Variants in WNT7A observed in about 807,000 individuals in gnomAD.
The protein encoded by WNT7A is Wnt family member 7A.
Under a neutral mutation model 28.2 loss-of-function variants are expected in WNT7A, and 16 were observed. The observed-to-expected ratio is 0.57, with a 90% CI of 0.38 to 0.86. The LOEUF is 0.86. Ranked by LOEUF, WNT7A falls within the 40% of genes least tolerant of loss-of-function variation. The pLI is 0.00. For missense variants in WNT7A, 411 were observed against 489.7 expected (o/e 0.84, Z 1.52); for synonymous variants, 190 against 195.9 (o/e 0.97, Z 0.25).
chr3:13,829,549 G>T (rs537793157), intron 3 of WNT7A, among the ~76,000 whole-genome samples: 1 of 152,162 alleles, frequency 6.6e-6, no homozygotes, highest in African/African-American at 2.4e-5. Context: ...CAGGGAGAGC[G>T]GCGCTGTGGG....
chr3:13,865,192 C>T (rs957626724), intron 2 of WNT7A, among the ~76,000 whole-genome samples: 7 of 152,210 alleles, frequency 4.6e-5, no homozygotes, highest in African/African-American at 1.4e-4. Context: ...GCTCAAGCTG[C>T]TGTCTTATCT....
intron 2 of WNT7A, among the ~76,000 whole-genome samples, chr3:13,856,477 C>T (rs1694731321): frequency 6.6e-6 from 1 of 152,190 alleles, no homozygotes; most frequent in Non-Finnish European, 1.5e-5. Context: ...TTAGCACCTA[C>T]CGGGCTCGCA....
At chr3:13,835,520 G>A (rs531204594) in intron 3 of WNT7A, among the ~76,000 whole-genome samples, 1 of 152,360 alleles carries the variant, frequency 6.6e-6, no homozygotes, top group African/African-American at 2.4e-5. Flanking sequence ...ACCCCCATGG[G>A]GATGCAGAGC....
Position 13,880,036 on chromosome 3 carries a change from G to GCCCC in WNT7A, c.-221_-220insGGGG. 1 of 359,382 alleles carries GCCCC rather than the reference G, an allele frequency of 2.8e-6. No individual in the cohort carries two copies. The allele number at this position is 359,382 out of a possible 1,614,324, so 22.3% of individuals were successfully genotyped here. A position where few individuals can be genotyped will look rare whatever the true frequency, so the allele number is the denominator to read the frequency against. On this transcript the variant is annotated 5_prime_UTR_variant, in exon 1 of 4. Transcript: ENST00000285018. ...GGGAGGAGCGAGCGCGGCGTGGGGCGACGCCGGGCTGCGCGCGAGCGACCG... is the reference window on the plus strand; with the variant it reads ...GGGAGGAGCGAGCGCGGCGTGGGGCGCCCCACGCCGGGCTGCGCGCGAGCGACCG...
At chr3:13,820,144 A>T (rs1246284138) in intron 3 of WNT7A, among the ~76,000 whole-genome samples, 2 of 152,180 alleles carry the variant, frequency 1.3e-5, no homozygotes, top group Non-Finnish European at 2.9e-5. Flanking sequence ...TAAGTCATGA[A>T]TTGAGCTCCT....
intron 3 of WNT7A, among the ~76,000 whole-genome samples, chr3:13,835,569 C>T (rs1178820025): frequency 6.6e-6 from 1 of 152,222 alleles, no homozygotes; most frequent in East Asian, 1.9e-4. Context: ...GCACGGGCCC[C>T]CTACATCAGT....
chr3:13,854,381 C>T, intron 3 of WNT7A, 151 bp downstream of exon 3: 2 of 1,301,058 alleles, frequency 1.5e-6, no homozygotes, highest in South Asian at 1.2e-5. Context: ...CAAATCCTGA[C>T]CAGCTACAAG....
intron 3 of WNT7A, among the ~76,000 whole-genome samples, chr3:13,825,900 G>A (rs572454891): frequency 6.6e-6 from 1 of 152,290 alleles, no homozygotes; most frequent in South Asian, 2.1e-4. Context: ...AGCTGGGACC[G>A]GAAACTCCAT....
At chr3:13,860,294 T>A (rs7635961) in intron 2 of WNT7A, among the ~76,000 whole-genome samples, 105,684 of 152,014 alleles carry the variant, frequency 0.7, 38,460 homozygotes, top group African/African-American at 0.91. Flanking sequence ...CAAGTTGGTC[T>A]GTGTCCTTCC....
intron 2 of WNT7A, among the ~76,000 whole-genome samples, chr3:13,868,722 A>G (rs1694963096): frequency 1.4e-5 from 2 of 145,526 alleles, no homozygotes; most frequent in African/African-American, 5.2e-5. Flanking sequence ...GAAAGAAAGA[A>G]AGAAAGAAAG....
At chr3:13,850,283 T>A (rs1401685382) in intron 3 of WNT7A, among the ~76,000 whole-genome samples, 1 of 152,160 alleles carries the variant, frequency 6.6e-6, no homozygotes, top group Admixed American at 6.5e-5. Flanking sequence ...TGGTCAAATA[T>A]GCAAGTGGCC....
chr3:13,828,338 G>A (rs2124832940), intron 3 of WNT7A, among the ~76,000 whole-genome samples: 1 of 152,346 alleles, frequency 6.6e-6, no homozygotes, highest in South Asian at 2.1e-4. Flanking sequence ...GGGCAAGGAA[G>A]GGGTGCATGC....
At chr3:13,852,187 C>A (rs991610684) in intron 3 of WNT7A, among the ~76,000 whole-genome samples, 13 of 152,230 alleles carry the variant, frequency 8.5e-5, no homozygotes, top group Non-Finnish European at 1.6e-4. Context: ...TCTGCAGAAG[C>A]CACATGGTGC....
intron 3 of WNT7A, among the ~76,000 whole-genome samples, chr3:13,835,297 C>A (rs749160643): frequency 6.6e-6 from 1 of 152,182 alleles, no homozygotes; most frequent in East Asian, 1.9e-4. Flanking sequence ...GCAGAAAGGT[C>A]CTGCGATGCA....
intron 3 of WNT7A, among the ~76,000 whole-genome samples, chr3:13,829,383 A>G (rs185218132): frequency 6.6e-6 from 1 of 152,362 alleles, no homozygotes; most frequent in East Asian, 1.9e-4. Flanking sequence ...AGTAGGGACA[A>G]GTCCTCTCAA....
intron 2 of WNT7A, among the ~76,000 whole-genome samples, chr3:13,868,030 A>G (rs570317891): frequency 1.3e-5 from 2 of 152,166 alleles, no homozygotes; most frequent in Non-Finnish European, 2.9e-5. Context: ...TTTGGGGAAG[A>G]TCTCCATATG....
In WNT7A at chr3:13,818,496, T is replaced by C. The variant is rs1575056956; in HGVS notation, c.*448A>G. ...CTGCATAAAGAATAGTTATGTACAC[T>C]TCTACACGGCTCCTTGTCCTAGCAA... On this transcript the variant is annotated 3_prime_UTR_variant, in exon 4 of 4. Transcript: ENST00000285018. 6.6e-6 allele frequency: 1 copy of C among 152,648 alleles called. No homozygotes were observed. Among genetic ancestry groups the C allele is most frequent in the East Asian group, 1.9e-4 (1 of 5,158 alleles). The allele number at this position is 152,648 out of a possible 1,614,324, so 9.5% of individuals were successfully genotyped here.
intron 2 of WNT7A, among the ~76,000 whole-genome samples, chr3:13,864,471 C>T (rs2124869664): frequency 6.6e-6 from 1 of 152,214 alleles, no homozygotes; most frequent in African/African-American, 2.4e-5. Context: ...GTGGACGGCC[C>T]CTACTTCAGG....
chr3:13,873,081 G>A (rs2124878273), intron 2 of WNT7A, among the ~76,000 whole-genome samples: 1 of 152,188 alleles, frequency 6.6e-6, no homozygotes, highest in South Asian at 2.1e-4. Flanking sequence ...CAAGCAAGGG[G>A]AGGCTCACAA....
Sources: allele counts gnomAD v4.1 joint callset (sites outside exome capture counted in the v4.1 genomes callset), GRCh38; gene constraint gnomAD v4.1.1; transcripts MANE v1.5; gene names NCBI Gene and HGNC (gene_info 2026-07-23, HGNC 2026-07-21).